Variants in FA2H observed in about 807,000 individuals in gnomAD.
The protein encoded by FA2H is fatty acid alpha-hydroxylase.
A neutral mutation model predicts 44.9 loss-of-function variants in FA2H; 22 were observed. The observed-to-expected ratio is 0.49, with a 90% CI of 0.35 to 0.70. The LOEUF (loss-of-function observed/expected upper bound fraction) is 0.70, where lower values mean the gene tolerates loss of function less well. Among genes scored for constraint, FA2H ranks in the 30% least tolerant of loss-of-function variants. The pLI is 0.01. For synonymous variants in FA2H, 243 were observed against 213.2 expected, an observed-to-expected ratio of 1.14 and a Z score of -1.22; for missense variants, 501 against 504.9, an observed-to-expected ratio of 0.99 and a Z score of 0.07.
At chr16:74,760,995 G>A (rs1962696804) in intron 1 of FA2H, among the ~76,000 whole-genome samples, 1 of 152,166 alleles carries the variant, frequency 6.6e-6, no homozygotes, top group African/African-American at 2.4e-5. Context: ...GAAAGACAGA[G>A]AATGGATGCT....
At chr16:74,750,201 G>A (rs535899847) in intron 1 of FA2H, among the ~76,000 whole-genome samples, 1 of 152,304 alleles carries the variant, frequency 6.6e-6, no homozygotes, top group Non-Finnish European at 1.5e-5. Context: ...TAGGTTTACA[G>A]GATGTGCATT....
At chr16:74,735,464 G>A (rs993824994) in intron 2 of FA2H, among the ~76,000 whole-genome samples, 2 of 152,206 alleles carry the variant, frequency 1.3e-5, no homozygotes, top group African/African-American at 4.8e-5. Context: ...CTCACCCCAC[G>A]AGGATTCAGG....
intron 4 of FA2H, among the ~76,000 whole-genome samples, chr16:74,723,814 C>A (rs1192127584): frequency 6.6e-6 from 1 of 152,156 alleles, no homozygotes; most frequent in Non-Finnish European, 1.5e-5. Flanking sequence ...ACACCCTACC[C>A]ATCTTGGAGG....
At chr16:74,738,695 C>T (rs1962229490) in intron 2 of FA2H, among the ~76,000 whole-genome samples, 1 of 152,176 alleles carries the variant, frequency 6.6e-6, no homozygotes, top group Non-Finnish European at 1.5e-5. Flanking sequence ...CACTGTAGCT[C>T]ACCCTTTGGT....
intron 1 of FA2H, among the ~76,000 whole-genome samples, chr16:74,758,279 C>T (rs904591912): frequency 1.6e-4 from 25 of 151,718 alleles, no homozygotes; most frequent in Non-Finnish European, 3.5e-4. Flanking sequence ...CACCACCACA[C>T]CCGGCTAATT....
intron 1 of FA2H, among the ~76,000 whole-genome samples, chr16:74,750,956 A>G (rs942610744): frequency 1.3e-5 from 2 of 150,456 alleles, no homozygotes; most frequent in African/African-American, 4.9e-5. Context: ...TAATCTGTTT[A>G]TTTTTTTTTA....
chr16:74,771,952 C>CTT (rs58570521), intron 1 of FA2H, among the ~76,000 whole-genome samples: 8 of 141,878 alleles, frequency 5.6e-5, no homozygotes, highest in African/African-American at 2.1e-4. Flanking sequence ...CCCTGGCTTC[C>CTT]TTTTTTTTTT....
chr16:74,716,743 A>T (rs1323217189), intron 5 of FA2H, 144 bp from the exon 6 acceptor site: 1 of 868,632 alleles, frequency 1.2e-6, no homozygotes, highest in East Asian at 2.7e-5. Flanking sequence ...GGCTTTGGGG[A>T]GGGCGGGCCA....
intron 4 of FA2H, among the ~76,000 whole-genome samples, chr16:74,722,749 A>G (rs1309948647): frequency 2.0e-5 from 3 of 152,056 alleles, no homozygotes; most frequent in Non-Finnish European, 4.4e-5. Context: ...TTCCGTCTCT[A>G]AAAATACAAA....
rs376180814 is a variant in FA2H, at chr16:74,719,102, G to T, written c.672C>A (p.Phe224Leu). ...TGAGGTACTCGATGAGGCTCCAGAG[G>T]AATGTCCCCAGCATGAAGAGCCCGG... The part of the protein sequence containing the change: ...MFPGLFMLGT[F>L]LWSLIEYLIH... Residue 224 changes from phenylalanine to leucine, a missense_variant, in exon 5 of 7, where the codon TTC becomes TTA. Coordinates refer to ENST00000219368, the MANE Select transcript of FA2H (RefSeq NM_024306.5). 4 of 1,613,876 alleles carry T rather than the reference G, an allele frequency of 2.5e-6. No homozygotes were observed. The highest frequency in any genetic ancestry group is 3.4e-6 in the Non-Finnish European group (4 of 1,180,032).
chr16:74,742,476 C>T (rs142946427), intron 1 of FA2H, among the ~76,000 whole-genome samples: 27 of 152,322 alleles, frequency 1.8e-4, no homozygotes, highest in Non-Finnish European at 3.5e-4. Flanking sequence ...ATAGGACAGG[C>T]ACGAGCAGAA....
chr16:74,743,646 G>T (rs568651928), intron 1 of FA2H, among the ~76,000 whole-genome samples: 1 of 152,186 alleles, frequency 6.6e-6, no homozygotes, highest in Non-Finnish European at 1.5e-5. Context: ...AGGGGAAGGG[G>T]GTCGGCATGG....
intron 1 of FA2H, among the ~76,000 whole-genome samples, chr16:74,751,693 G>A (rs1158891223): frequency 1.3e-5 from 2 of 152,112 alleles, no homozygotes; most frequent in South Asian, 2.1e-4. Context: ...CAGCAGCTTC[G>A]TAGACAGCAC....
rs907731437 is a variant in FA2H, at chr16:74,762,112, G to A, written c.270+12374C>T. ...GGCTGGAGTGCAGTGGCGTGATCTC[G>A]GCTCACTGCAACCTCCACCTCCCAG... On this transcript the variant is annotated intron_variant, in intron 1 of 6. Coordinates refer to ENST00000219368, the MANE Select transcript of FA2H (RefSeq NM_024306.5). Among the ~76,000 whole-genome samples the A allele has an allele frequency of 5.3e-5, 8 of 151,998 alleles. No individual in the cohort carries two copies. In the East Asian group the frequency reaches 7.7e-4, roughly 15 times the overall value.
intron 3 of FA2H, 68 bp from the exon 4 acceptor site, chr16:74,726,399 T>G: frequency 9.4e-7 from 1 of 1,058,220 alleles, no homozygotes; most frequent in Non-Finnish European, 1.4e-6. Flanking sequence ...GCTTTCTTTT[T>G]TTTTTTGAGA....
chr16:74,745,922 C>T lies in FA2H; in HGVS notation c.271-5807G>A, dbSNP rs1391994713. On this transcript the variant is annotated intron_variant, in intron 1 of 6. Transcript: ENST00000219368. ...CTGAGTTCAAGCAATTCTCCTGCCT[C>T]AGCCTCCTGAGTAGTTGGGACTACA... Among the ~76,000 whole-genome samples the T allele has an allele frequency of 2.0e-5, 3 of 151,278 alleles. No homozygotes were observed. In the Admixed American group the frequency reaches 2.0e-4, roughly 10 times the overall value.
At chr16:74,730,846 T>C (rs1567638912) in intron 2 of FA2H, among the ~76,000 whole-genome samples, 1 of 152,152 alleles carries the variant, frequency 6.6e-6, no homozygotes, top group Admixed American at 6.6e-5. Flanking sequence ...ATTCTAACTA[T>C]TGTCATTTTG....
intron 1 of FA2H, among the ~76,000 whole-genome samples, chr16:74,746,660 T>C (rs1252868885): frequency 6.6e-6 from 1 of 152,188 alleles, no homozygotes; most frequent in African/African-American, 2.4e-5. Context: ...GTTTGCCAGT[T>C]TGAAACTCCC....
chr16:74,719,195 G>C, intron 4 of FA2H, 35 bp from the exon 5 acceptor site: 5 of 1,591,902 alleles, frequency 3.1e-6, no homozygotes, highest in Non-Finnish European at 4.3e-6. Context: ...GTGAGGACCG[G>C]TGCATAGCAG....
Sources: allele counts gnomAD v4.1 joint callset (sites outside exome capture counted in the v4.1 genomes callset), GRCh38; gene constraint gnomAD v4.1.1; transcripts MANE v1.5; gene names NCBI Gene and HGNC (gene_info 2026-07-23, HGNC 2026-07-21).